EXOC4: variants seen among roughly 807,000 people sequenced by gnomAD.
EXOC4 encodes SEC8-like 1.
A neutral mutation model predicts 107.2 loss-of-function variants in EXOC4; 71 were observed. That is an observed-to-expected ratio of 0.66 (90% CI 0.55 to 0.81). The LOEUF (loss-of-function observed/expected upper bound fraction) is 0.81, where lower values mean the gene tolerates loss of function less well. Among genes scored for constraint, EXOC4 ranks in the 30% least tolerant of loss-of-function variants. EXOC4 has a pLI of 0.00. For synonymous variants in EXOC4, 456 were observed against 441.2 expected, an observed-to-expected ratio of 1.03 and a Z score of -0.42; for missense variants, 1,108 against 1,189.6, an observed-to-expected ratio of 0.93 and a Z score of 1.01.
At chr7:133,859,519 T>TG (rs1231035651) in intron 11 of EXOC4, among the ~76,000 whole-genome samples, 1 of 152,164 alleles carries the variant, frequency 6.6e-6, no homozygotes, top group Non-Finnish European at 1.5e-5. Context: ...ATTTCCTACT[T>TG]GCAGCTGGTG....
At chr7:133,309,559 C>T (rs1164491085) in intron 4 of EXOC4, among the ~76,000 whole-genome samples, 1 of 151,958 alleles carries the variant, frequency 6.6e-6, no homozygotes, top group Non-Finnish European at 1.5e-5. Context: ...GACCACATAC[C>T]ATTAAATAGG....
At chr7:133,616,373 A>G (rs1563128092) in intron 9 of EXOC4, among the ~76,000 whole-genome samples, 1 of 152,170 alleles carries the variant, frequency 6.6e-6, no homozygotes, top group Non-Finnish European at 1.5e-5. Context: ...TGCTAGTCAC[A>G]AAGATGCTGA....
chr7:133,649,461 C>CTTTTTT (rs34123621), intron 10 of EXOC4, among the ~76,000 whole-genome samples: 5 of 141,726 alleles, frequency 3.5e-5, no homozygotes, highest in South Asian at 2.2e-4. Flanking sequence ...AGCATTACTA[C>CTTTTTT]TTTTTCTTTT....
At chr7:133,555,935 T>C (rs572129287) in intron 9 of EXOC4, among the ~76,000 whole-genome samples, 45 of 152,238 alleles carry the variant, frequency 3.0e-4, no homozygotes, top group Non-Finnish European at 4.0e-4. Context: ...TTTTACCTGT[T>C]AGTTGTTGCC....
chr7:134,016,391 G>A (rs895722410), intron 17 of EXOC4, among the ~76,000 whole-genome samples: 8 of 152,144 alleles, frequency 5.3e-5, no homozygotes, highest in African/African-American at 1.9e-4. Context: ...AGAAGATAGG[G>A]AAGGAATGGT....
chr7:133,399,365 C>T (rs1349519981), intron 7 of EXOC4, among the ~76,000 whole-genome samples: 1 of 152,068 alleles, frequency 6.6e-6, no homozygotes, highest in Non-Finnish European at 1.5e-5. Flanking sequence ...CACAAAATTT[C>T]ATGAACTAAA....
intron 11 of EXOC4, among the ~76,000 whole-genome samples, chr7:133,844,450 C>T (rs532642086): frequency 2.5e-5 from 3 of 120,270 alleles, no homozygotes; most frequent in South Asian, 2.8e-4. Flanking sequence ...AGTACAGTGG[C>T]GCGATCTTGG....
intron 5 of EXOC4, among the ~76,000 whole-genome samples, chr7:133,336,096 T>A (rs1299511432): frequency 2.0e-5 from 3 of 152,214 alleles, no homozygotes; most frequent in African/African-American, 7.2e-5. Context: ...TATTAACACA[T>A]TTTCAGATGT....
At chr7:133,739,359 G>A (rs1795515599) in intron 10 of EXOC4, among the ~76,000 whole-genome samples, 1 of 151,918 alleles carries the variant, frequency 6.6e-6, no homozygotes, top group African/African-American at 2.4e-5. Flanking sequence ...ACTCATGCTG[G>A]AGCTTGAAGT....
At chr7:133,973,930 G>T (rs1051567143) in intron 14 of EXOC4, among the ~76,000 whole-genome samples, 7 of 152,182 alleles carry the variant, frequency 4.6e-5, no homozygotes, top group Non-Finnish European at 7.3e-5. Flanking sequence ...GTGGAAGGGG[G>T]AAGGCAGAAG....
intron 10 of EXOC4, among the ~76,000 whole-genome samples, chr7:133,771,879 T>G (rs58642167): frequency 0.1 from 15,393 of 151,960 alleles, 868 homozygotes; most frequent in African/African-American, 0.14. Flanking sequence ...AGTTGATTAA[T>G]AAGACAACAA....
At chr7:133,397,630 C>T (rs1797000180) in intron 7 of EXOC4, among the ~76,000 whole-genome samples, 1 of 151,908 alleles carries the variant, frequency 6.6e-6, no homozygotes, top group South Asian at 2.1e-4. Flanking sequence ...CATAATTTTC[C>T]AGCCTATCTT....
rs1798567950 is a variant in EXOC4 at position 133,460,596 on chromosome 7, A to G, written c.1183-14732A>G. 3.3e-5 allele frequency among the ~76,000 whole-genome samples: 5 copies of G among 152,086 alleles called. No homozygotes were observed. In the South Asian group the frequency reaches 1.0e-3, roughly 31 times the overall value. On this transcript the variant is annotated intron_variant, in intron 7 of 17. Transcript: ENST00000253861. ...GTAGATGTGGAAATTTTTTTTTGGC[A>G]ACAAAACTGATAAAATAGTATTACT...
chr7:133,766,526 GTTTTAATATCAGA>G (rs1253713085), intron 10 of EXOC4, among the ~76,000 whole-genome samples: 1 of 151,960 alleles, frequency 6.6e-6, no homozygotes, highest in African/African-American at 2.4e-5. Flanking sequence ...TAACAGAGTT[GTTTTAATATCAGA>G]TTGTAATTAG....
chr7:133,527,699 G>A (rs562992906), intron 9 of EXOC4, among the ~76,000 whole-genome samples: 8 of 152,242 alleles, frequency 5.3e-5, no homozygotes, highest in African/African-American at 1.7e-4. Context: ...GTGATGCATA[G>A]AAAATGTGAA....
rs1794436928 is a variant in EXOC4 at position 133,692,225 on chromosome 7, T to G, written c.1514+62084T>G. On this transcript the variant is annotated intron_variant, in intron 10 of 17. Transcript: ENST00000253861. ...AAAGTAATCCTCAAGAGAGTATTTCTAGAGTCCAGCTATGAGCAGTAGAAT... is the reference window on the plus strand; with the variant it reads ...AAAGTAATCCTCAAGAGAGTATTTCGAGAGTCCAGCTATGAGCAGTAGAAT... Among the ~76,000 whole-genome samples, 5 of 152,340 alleles carry G rather than the reference T, an allele frequency of 3.3e-5. No individual in the cohort carries two copies. In the South Asian group the frequency reaches 1.0e-3, roughly 32 times the overall value.
chr7:133,734,305 T>C (rs1355664949), intron 10 of EXOC4, among the ~76,000 whole-genome samples: 7 of 152,186 alleles, frequency 4.6e-5, no homozygotes, highest in Non-Finnish European at 8.8e-5. Flanking sequence ...TTTAAGCCTG[T>C]GCAGTCATTA....
chr7:133,369,281 T>G (rs543970585), intron 6 of EXOC4, among the ~76,000 whole-genome samples: 1 of 152,222 alleles, frequency 6.6e-6, no homozygotes, highest in Non-Finnish European at 1.5e-5. Flanking sequence ...GAGCGTCGTC[T>G]TCCTTTCTCC....
At chr7:133,480,515 AT>A (rs1476128899) in intron 9 of EXOC4, 1 of 996,052 alleles carries the variant, frequency 1.0e-6, no homozygotes, top group East Asian at 6.8e-5. Context: ...AGTACCTGAG[AT>A]TTGGGAAAGG....
Sources: allele counts gnomAD v4.1 joint callset (sites outside exome capture counted in the v4.1 genomes callset), GRCh38; gene constraint gnomAD v4.1.1; transcripts MANE v1.5; gene names NCBI Gene and HGNC (gene_info 2026-07-23, HGNC 2026-07-21).